The following PREX1 variants were observed in gnomAD, a reference collection of about 807,000 sequenced individuals.
PREX1 encodes the protein phosphatidylinositol 3,4,5-trisphosphate-dependent Rac exchanger 1 protein.
Under a neutral mutation model 198.3 loss-of-function variants are expected in PREX1, and 41 were observed. The ratio of observed to expected loss-of-function variants is 0.21; its 90% CI spans 0.16 to 0.27. The LOEUF is 0.27. Ranked by LOEUF, PREX1 falls within the 10% of genes least tolerant of loss-of-function variation. PREX1 has a pLI of 1.00. For missense variants in PREX1, 1,620 were observed against 2,200.7 expected, an observed-to-expected ratio of 0.74 and a Z score of 5.28; for synonymous variants, 843 against 887.2, an observed-to-expected ratio of 0.95 and a Z score of 0.89.
At chr20:48,820,725 T>C (rs1457645681) in intron 1 of PREX1, among the ~76,000 whole-genome samples, 1 of 152,142 alleles carries the variant, frequency 6.6e-6, no homozygotes, top group East Asian at 1.9e-4. Context: ...AGAGGGGTCC[T>C]ACTGGCATCT....
chr20:48,758,231 G>T (rs1224266773), intron 1 of PREX1, among the ~76,000 whole-genome samples: 1 of 152,222 alleles, frequency 6.6e-6, no homozygotes, highest in Non-Finnish European at 1.5e-5. Flanking sequence ...CACCCTCAGG[G>T]AGTGAGGAGG....
At chr20:48,750,839 T>A (rs2090131064) in intron 1 of PREX1, among the ~76,000 whole-genome samples, 1 of 152,110 alleles carries the variant, frequency 6.6e-6, no homozygotes, top group Admixed American at 6.6e-5. Flanking sequence ...CAATCCAACA[T>A]CAGAGGCCAG....
chr20:48,783,628 T>C (rs1416235311), intron 1 of PREX1, among the ~76,000 whole-genome samples: 3 of 152,030 alleles, frequency 2.0e-5, no homozygotes, highest in Non-Finnish European at 4.4e-5. Context: ...ACAAAGGACC[T>C]AAGCAGATGT....
intron 1 of PREX1, among the ~76,000 whole-genome samples, chr20:48,809,550 G>A (rs1286212397): frequency 6.6e-6 from 1 of 152,204 alleles, no homozygotes; most frequent in Non-Finnish European, 1.5e-5. Context: ...TGCAACCAAA[G>A]GATCCTGACA....
the PREX1 span, among the ~76,000 whole-genome samples, chr20:48,833,719 G>A: frequency 6.6e-6 from 1 of 152,146 alleles, no homozygotes; most frequent in Non-Finnish European, 1.5e-5. Context: ...TGGGATTACA[G>A]GCATGAGCAC....
Position 48,639,877 on chromosome 20 carries a change from C to T in PREX1, c.3793G>A (p.Glu1265Lys). 1.2e-6 allele frequency: 2 copies of T among 1,614,078 alleles called. No individual in the cohort carries two copies. The highest frequency in any genetic ancestry group is 1.7e-6 in the Non-Finnish European group (2 of 1,179,978). Residue 1265 changes from glutamate to lysine, a missense_variant, in exon 30 of 40, where the codon GAG becomes AAG. Coordinates refer to ENST00000371941, the MANE Select transcript of PREX1 (RefSeq NM_020820.4). The stretch of plus-strand genomic sequence containing the variant: ...AGGCTCCGGCCACGGATTGTACACT[C>T]TTCTTTCTGTTTAAACTCTGGGGCA... ...HSLQEFKQKE[E>K]CTIRGRSLIQ...
intron 1 of PREX1, among the ~76,000 whole-genome samples, chr20:48,759,409 C>A (rs1236266791): frequency 2.0e-5 from 3 of 151,754 alleles, no homozygotes; most frequent in Non-Finnish European, 4.4e-5. Flanking sequence ...AATTAGCCAG[C>A]CATGGTGGCT....
chr20:48,848,776 G>A, the PREX1 span, among the ~76,000 whole-genome samples: 8 of 151,948 alleles, frequency 5.3e-5, no homozygotes, highest in Admixed American at 1.3e-4. Flanking sequence ...TCGCTCTGTC[G>A]CTCAGGCTGG....
At chr20:48,856,157 C>G in the PREX1 span, among the ~76,000 whole-genome samples, 20 of 152,272 alleles carry the variant, frequency 1.3e-4, no homozygotes, top group African/African-American at 4.8e-4. Flanking sequence ...CCCAGGGAGA[C>G]AGTGGTAGGG....
chr20:48,660,196 G>T (rs1469044029), intron 15 of PREX1, 135 bp from the exon 16 acceptor site: 5 of 1,049,508 alleles, frequency 4.8e-6, no homozygotes, highest in African/African-American at 3.2e-5. Flanking sequence ...TATTAAAATG[G>T]AATCATATGC....
At chr20:48,850,125 G>A in the PREX1 span, among the ~76,000 whole-genome samples, 1 of 152,204 alleles carries the variant, frequency 6.6e-6, no homozygotes, top group Non-Finnish European at 1.5e-5. Flanking sequence ...GTTATCTACT[G>A]TTATTATTCA....
chr20:48,742,347 A>G (rs2122755397), intron 3 of PREX1, among the ~76,000 whole-genome samples: 1 of 152,322 alleles, frequency 6.6e-6, no homozygotes, highest in Middle Eastern at 3.4e-3. Context: ...AGGTTCTACC[A>G]ACGTCATTCA....
chr20:48,737,420 A>G (rs1202893399), intron 3 of PREX1, among the ~76,000 whole-genome samples: 1 of 151,924 alleles, frequency 6.6e-6, no homozygotes, highest in African/African-American at 2.4e-5. Flanking sequence ...CTCCATCGGG[A>G]CGGCGTTTTC....
chr20:48,823,219 G>A (rs747329403), intron 1 of PREX1, among the ~76,000 whole-genome samples: 1 of 152,080 alleles, frequency 6.6e-6, no homozygotes. Flanking sequence ...GGAGACCTTC[G>A]AGGAGCTGCT....
intron 1 of PREX1, among the ~76,000 whole-genome samples, chr20:48,807,728 G>A (rs1213593254): frequency 1.3e-5 from 2 of 152,178 alleles, no homozygotes; most frequent in Non-Finnish European, 2.9e-5. Flanking sequence ...TTGCTTGCCT[G>A]CAGCCAGGCC....
intron 1 of PREX1, among the ~76,000 whole-genome samples, chr20:48,821,303 T>C (rs559348196): frequency 1.5e-3 from 232 of 152,320 alleles, no homozygotes; most frequent in African/African-American, 5.4e-3. Flanking sequence ...GATGGAACTC[T>C]AACAAACTGA....
intron 15 of PREX1, among the ~76,000 whole-genome samples, chr20:48,661,556 T>TAC (rs374276217): frequency 0.15 from 18,713 of 127,506 alleles, 1,692 homozygotes; most frequent in South Asian, 0.22. Context: ...TATATATATA[T>TAC]ACACACACAC....
chr20:48,630,647 C>CTGGGCCTGTCTGCTGA lies in PREX1; in HGVS notation c.4593+65_4593+80dup. The CTGGGCCTGTCTGCTGA allele has an allele frequency of 5.4e-6, 7 of 1,300,612 alleles. No homozygotes were observed. In the South Asian group the frequency reaches 6.2e-5, roughly 12 times the overall value. The allele number at this position is 1,300,612 out of a possible 1,614,324, so 80.6% of individuals were successfully genotyped here. A position where few individuals can be genotyped will look rare whatever the true frequency, so the allele number is the denominator to read the frequency against. ...GGCTAGAATCTGCTGGGGCACAACC[C>CTGGGCCTGTCTGCTGA]TGGGCCTGTCTGCTGAGTCCTGACT... is the stretch of plus-strand genomic sequence containing the variant. On this transcript the variant is annotated intron_variant, in intron 36 of 39. Coordinates refer to ENST00000371941, the MANE Select transcript of PREX1 (RefSeq NM_020820.4).
chr20:48,635,778 G>A (rs2122836169), intron 32 of PREX1, among the ~76,000 whole-genome samples: 1 of 152,320 alleles, frequency 6.6e-6, no homozygotes, highest in East Asian at 1.9e-4. Context: ...CAGGCCCCCA[G>A]CTCCCAGCTC....
Sources: allele counts gnomAD v4.1 joint callset (sites outside exome capture counted in the v4.1 genomes callset), GRCh38; gene constraint gnomAD v4.1.1; transcripts MANE v1.5; gene names NCBI Gene and HGNC (gene_info 2026-07-23, HGNC 2026-07-21).